The following PTPN3 variants were observed in gnomAD, a reference collection of about 807,000 sequenced individuals.
The protein encoded by PTPN3 is tyrosine-protein phosphatase non-receptor type 3.
Under a neutral mutation model 132.7 loss-of-function variants are expected in PTPN3, and 96 were observed. That is an observed-to-expected ratio of 0.72 (90% CI 0.61 to 0.86). PTPN3 has a LOEUF of 0.86. PTPN3 is among the 40% of genes least tolerant of loss of function. The pLI, the probability that PTPN3 is intolerant of heterozygous loss-of-function variation, is 0.00. For synonymous variants in PTPN3, 398 were observed against 429.0 expected (o/e 0.93, Z 0.89); for missense variants, 1,125 against 1,159.6 (o/e 0.97, Z 0.43).
intron 19 of PTPN3, among the ~76,000 whole-genome samples, chr9:109,398,079 A>G (rs1030423588): frequency 6.6e-6 from 1 of 152,206 alleles, no homozygotes; most frequent in African/African-American, 2.4e-5. Context: ...TTCTAGACTA[A>G]CTTGGCCAAC....
chr9:109,523,113 T>C, the PTPN3 span, among the ~76,000 whole-genome samples: 274 of 151,038 alleles, frequency 1.8e-3, 2 homozygotes, highest in African/African-American at 5.9e-3. Flanking sequence ...TATAAATTTA[T>C]ATCTTTTTTT....
chr9:109,433,287 G>A, intron 9 of PTPN3, 126 bp from the exon 10 acceptor site: 2 of 1,388,544 alleles, frequency 1.4e-6, no homozygotes, highest in Non-Finnish European at 1.9e-6. Context: ...AAATGCTACT[G>A]AAAACAGGCA....
At chr9:109,501,545 A>G (rs181340068), upstream of PTPN3, among the ~76,000 whole-genome samples, 974 of 152,290 alleles carry the variant, frequency 6.4e-3, 6 homozygotes, top group Non-Finnish European at 0.01. Context: ...GTTAAAGTCT[A>G]TCCTTTTAAG....
At chr9:109,411,376 T>C (rs1028072404) in intron 14 of PTPN3, among the ~76,000 whole-genome samples, 3 of 152,130 alleles carry the variant, frequency 2.0e-5, no homozygotes, top group African/African-American at 7.2e-5. Flanking sequence ...CTCCAGACCA[T>C]GCAGAGCCCA....
At chr9:109,386,113 G>A (rs1007616068) in intron 22 of PTPN3, among the ~76,000 whole-genome samples, 10 of 152,184 alleles carry the variant, frequency 6.6e-5, no homozygotes, top group African/African-American at 2.2e-4. Context: ...TGGAGTGACC[G>A]ACTCCTAATC....
At chr9:109,481,704 AAC>A (rs1245574873) in intron 1 of PTPN3, among the ~76,000 whole-genome samples, 1 of 152,200 alleles carries the variant, frequency 6.6e-6, no homozygotes, top group Admixed American at 6.5e-5. Context: ...TGGCATCTAG[AAC>A]AGTGTCCAGT....
chr9:109,513,189 C>A, the PTPN3 span, among the ~76,000 whole-genome samples: 1 of 148,650 alleles, frequency 6.7e-6, no homozygotes, highest in Non-Finnish European at 1.5e-5. Flanking sequence ...TCTTAAATTT[C>A]TTTTTTTTTT....
intron 22 of PTPN3, among the ~76,000 whole-genome samples, chr9:109,383,966 G>T (rs1310449233): frequency 6.6e-6 from 1 of 151,980 alleles, no homozygotes; most frequent in Admixed American, 6.5e-5. Context: ...ACCCTTTTGA[G>T]GGGGAGGCCT....
At chr9:109,526,649 T>C in the PTPN3 span, among the ~76,000 whole-genome samples, 2 of 152,150 alleles carry the variant, frequency 1.3e-5, no homozygotes, top group African/African-American at 4.8e-5. Flanking sequence ...CACTCCAGCG[T>C]AGGTGACAGA....
chr9:109,422,692 C>T (rs200163780), intron 13 of PTPN3, 26 bp downstream of exon 13: 11 of 1,441,864 alleles, frequency 7.6e-6, no homozygotes, highest in Admixed American at 4.5e-5. Flanking sequence ...TTGGGTAGTA[C>T]AAAAAAAAAA....
chr9:109,530,241 T>TC, the PTPN3 span, among the ~76,000 whole-genome samples: 1 of 152,102 alleles, frequency 6.6e-6, no homozygotes, highest in Non-Finnish European at 1.5e-5. Context: ...ATTTCCTCAT[T>TC]CCCCCACTTC....
At chr9:109,502,725 G>A (rs1467751963), upstream of PTPN3, among the ~76,000 whole-genome samples, 1 of 152,132 alleles carries the variant, frequency 6.6e-6, no homozygotes, top group Non-Finnish European at 1.5e-5. Flanking sequence ...GAGTCAGGGC[G>A]GTTGAGGCTG....
rs987490678 is a variant in PTPN3 at position 109,389,114 on chromosome 9, T to C, written c.2253+119A>G. The C allele has an allele frequency of 6.7e-6, 9 of 1,333,974 alleles. No individual in the cohort carries two copies. In the African/African-American group the frequency reaches 1.2e-4, roughly 17 times the overall value. 82.6% of individuals were successfully genotyped at this position (1,333,974 alleles called of 1,614,324 possible). A position where few individuals can be genotyped will look rare whatever the true frequency, so the allele number is the denominator to read the frequency against. On this transcript the variant is annotated intron_variant, in intron 22 of 25. Coordinates refer to ENST00000374541, the MANE Select transcript of PTPN3 (RefSeq NM_002829.4). Reference sequence around the variant, plus strand: ...TATTGGTTGCTCTGTAGAGGAGACTTAGGGTCACATACGGGCTGGACCAGG... The same window carrying C: ...TATTGGTTGCTCTGTAGAGGAGACTCAGGGTCACATACGGGCTGGACCAGG...
At chr9:109,467,731 A>G (rs1482817251) in intron 1 of PTPN3, among the ~76,000 whole-genome samples, 3 of 152,178 alleles carry the variant, frequency 2.0e-5, no homozygotes, top group Admixed American at 6.5e-5. Context: ...ACTTCACCTG[A>G]GCAGCTCCTG....
chr9:109,428,674 G>A lies in PTPN3; in HGVS notation c.775C>T (p.Leu259Phe), dbSNP rs1413514797. 1 of 1,613,304 alleles carries A rather than the reference G, an allele frequency of 6.2e-7. No individual in the cohort carries two copies. Residue 259 changes from leucine (L) to phenylalanine (F), a missense_variant, in exon 11 of 26, where the codon CTC (leucine) becomes TTC (phenylalanine). Transcript: ENST00000374541. Reference protein sequence around the residue: ...CTSFYPWVNILKISFKRKKFF... With the variant: ...CTSFYPWVNIFKISFKRKKFF... The stretch of plus-strand genomic sequence containing the variant: ...TTTTTCCTTTTGAAAGAAATTTTGA[G>A]AATGTTCACCCTTCAAAAAATAAAA...
the PTPN3 span, among the ~76,000 whole-genome samples, chr9:109,511,102 A>G: frequency 1.3e-5 from 2 of 152,200 alleles, no homozygotes; most frequent in Non-Finnish European, 2.9e-5. Flanking sequence ...AGCACTGACC[A>G]TGGGAATTTT....
intron 1 of PTPN3, among the ~76,000 whole-genome samples, chr9:109,493,793 C>G (rs901287609): frequency 6.6e-6 from 1 of 152,146 alleles, no homozygotes; most frequent in Non-Finnish European, 1.5e-5. Context: ...GTAAAGGCAG[C>G]CAGGGGGAGG....
chr9:109,458,863 C>G (rs1450401733), intron 2 of PTPN3, among the ~76,000 whole-genome samples: 1 of 152,300 alleles, frequency 6.6e-6, no homozygotes, highest in East Asian at 1.9e-4. Flanking sequence ...ATATTATTAA[C>G]TACAATTTAC....
chr9:109,490,923 G>T (rs1180904834), intron 1 of PTPN3, among the ~76,000 whole-genome samples: 1 of 151,488 alleles, frequency 6.6e-6, no homozygotes, highest in East Asian at 1.9e-4. Flanking sequence ...TCTAGGCCGG[G>T]CGCAGTGGCT....
Sources: gnomAD v4.1 joint callset for allele counts (sites outside exome capture counted in the v4.1 genomes callset) on GRCh38, gnomAD v4.1.1 for gene constraint, MANE v1.5 for transcripts, NCBI Gene and HGNC (gene_info 2026-07-23, HGNC 2026-07-21) for gene names.